Variants in FOXP2 observed in about 807,000 individuals in gnomAD.
FOXP2 encodes forkhead box protein P2.
FOXP2 carries 12 observed loss-of-function variants against 115.8 expected under a neutral mutation model. That is an observed-to-expected ratio of 0.10 (90% CI 0.07 to 0.17). The LOEUF is 0.17. Ranked by LOEUF, FOXP2 falls within the 10% of genes least tolerant of loss-of-function variation. FOXP2 has a pLI of 1.00. For missense variants in FOXP2, 629 were observed against 843.5 expected (o/e 0.75, Z 3.15); for synonymous variants, 328 against 297.7 (o/e 1.10, Z -1.05).
rs1292419252 is a variant in FOXP2 at position 114,393,051 on chromosome 7, T to TA, written c.-10-33450dup. Among the ~76,000 whole-genome samples, 18 of 152,260 alleles carry TA rather than the reference T, an allele frequency of 1.2e-4. No individual in the cohort carries two copies. In the South Asian group the frequency reaches 2.5e-3, roughly 21 times the overall value. ...GGTGAGGAAAGCAGTATGTGTTCAG[T>TA]ATATAATGAACTTAGCATAGTCATT... On this transcript the variant is annotated intron_variant, in intron 2 of 17. Transcript: ENST00000634411.
chr7:114,162,696 T>G (rs1038603381), upstream of FOXP2, among the ~76,000 whole-genome samples: 4 of 152,112 alleles, frequency 2.6e-5, no homozygotes, highest in African/African-American at 7.2e-5. Flanking sequence ...TAGATTTTGA[T>G]TATTAATTTT....
chr7:114,665,359 C>G (rs1471466261), intron 16 of FOXP2: 5 of 152,040 alleles, frequency 3.3e-5, no homozygotes, highest in African/African-American at 1.2e-4. Context: ...TCACATACTT[C>G]TAATTACAAG....
At chr7:114,143,832 G>A (rs770302850) in intron 1 of FOXP2, among the ~76,000 whole-genome samples, 2 of 145,326 alleles carry the variant, frequency 1.4e-5, no homozygotes, top group Non-Finnish European at 3.0e-5. Context: ...TTTTTTTTTT[G>A]CTTTGAAAAC....
chr7:114,223,545 T>A (rs1019164611), intron 1 of FOXP2, among the ~76,000 whole-genome samples: 2 of 146,002 alleles, frequency 1.4e-5, no homozygotes, highest in African/African-American at 4.9e-5. Context: ...TGTGCTTTGT[T>A]GGATAGGTAG....
At chr7:114,360,238 A>C (rs957983440) in intron 2 of FOXP2, among the ~76,000 whole-genome samples, 1 of 152,246 alleles carries the variant, frequency 6.6e-6, no homozygotes, top group African/African-American at 2.4e-5. Context: ...GCCTTCCACC[A>C]TGATTGTGAG....
chr7:114,548,882 G>A (rs557437146), intron 3 of FOXP2, among the ~76,000 whole-genome samples: 28 of 152,142 alleles, frequency 1.8e-4, no homozygotes, highest in African/African-American at 6.3e-4. Context: ...GAAGGGTGGG[G>A]AAAAAATCAT....
At chr7:114,656,265 T>G (rs1038386050) in intron 10 of FOXP2, among the ~76,000 whole-genome samples, 4 of 152,154 alleles carry the variant, frequency 2.6e-5, no homozygotes, top group Admixed American at 1.3e-4. Flanking sequence ...ATGTGCCATT[T>G]TGTTCTGGTT....
intron 1 of FOXP2, among the ~76,000 whole-genome samples, chr7:114,192,242 C>T (rs944561716): frequency 6.6e-6 from 1 of 152,164 alleles, no homozygotes; most frequent in Non-Finnish European, 1.5e-5. Context: ...GCCTTTGCCT[C>T]CCAAAGTGCT....
intron 2 of FOXP2, among the ~76,000 whole-genome samples, chr7:114,469,788 A>G (rs950565251): frequency 1.3e-5 from 2 of 152,158 alleles, no homozygotes; most frequent in East Asian, 3.8e-4. Flanking sequence ...TTTGCAATAT[A>G]AAAGATATTA....
intron 2 of FOXP2, among the ~76,000 whole-genome samples, chr7:114,524,761 C>T (rs968813654): frequency 6.6e-6 from 1 of 152,042 alleles, no homozygotes; most frequent in Non-Finnish European, 1.5e-5. Context: ...TAATGGCTTA[C>T]AGTACATTTC....
At chr7:114,514,799 G>A (rs548539758) in intron 2 of FOXP2, among the ~76,000 whole-genome samples, 2 of 151,594 alleles carry the variant, frequency 1.3e-5, no homozygotes, top group East Asian at 1.9e-4. Context: ...CATGTGCCAT[G>A]CTGGTGTGCT....
chr7:114,514,174 A>G (rs1301926333), intron 2 of FOXP2, among the ~76,000 whole-genome samples: 1 of 152,080 alleles, frequency 6.6e-6, no homozygotes, highest in Non-Finnish European at 1.5e-5. Context: ...TTGTATATAT[A>G]CATGCTGTTT....
intron 1 of FOXP2, among the ~76,000 whole-genome samples, chr7:114,202,747 G>C (rs1419661447): frequency 6.6e-6 from 1 of 152,108 alleles, no homozygotes; most frequent in African/African-American, 2.4e-5. Flanking sequence ...GGGATATATA[G>C]TTATACTCCC....
In FOXP2 at chr7:114,143,850, T is replaced by A. The variant is rs111659683; in HGVS notation, c.-246-19094T>A. 9.6e-3 allele frequency among the ~76,000 whole-genome samples: 1,458 copies of A among 152,144 alleles called. 32 individuals are homozygous for A. The highest frequency in any genetic ancestry group is 0.033 in the African/African-American group (1,386 of 41,502). ...TTTTTTTGCTTTGAAAACCAAACTA[T>A]CTTAGAGTTGGTCCCTGACTTATGC... On this transcript the variant is annotated intron_variant, in intron 1 of 19. Coordinates refer to the FOXP2 transcript ENST00000635638.
intron 1 of FOXP2, among the ~76,000 whole-genome samples, chr7:114,260,312 T>G (rs1415860100): frequency 6.6e-6 from 1 of 152,006 alleles, no homozygotes; most frequent in Non-Finnish European, 1.5e-5. Flanking sequence ...GATGGCCTTG[T>G]GAATTAATTG....
intron 2 of FOXP2, among the ~76,000 whole-genome samples, chr7:114,346,277 C>T (rs965656872): frequency 6.6e-6 from 1 of 151,704 alleles, no homozygotes; most frequent in Non-Finnish European, 1.5e-5. Flanking sequence ...ATCATCATAT[C>T]AAGGAGATAT....
intron 2 of FOXP2, among the ~76,000 whole-genome samples, chr7:114,510,467 T>A (rs147435044): frequency 7.2e-4 from 110 of 152,304 alleles, no homozygotes; most frequent in African/African-American, 2.5e-3. Flanking sequence ...AGTGGAGATG[T>A]AATTCATACT....
chr7:114,274,654 G>T (rs891456376), intron 1 of FOXP2, among the ~76,000 whole-genome samples: 1 of 76,132 alleles, frequency 1.3e-5, no homozygotes, highest in Non-Finnish European at 2.4e-5. Flanking sequence ...TTACTCTGTT[G>T]TCTGGGCTGG....
intron 2 of FOXP2, among the ~76,000 whole-genome samples, chr7:114,331,975 G>T (rs1464979045): frequency 6.6e-6 from 1 of 152,032 alleles, no homozygotes; most frequent in East Asian, 1.9e-4. Context: ...TTGCATATCA[G>T]ATGTGCAACA....
Sources: gnomAD v4.1 joint callset for allele counts (sites outside exome capture counted in the v4.1 genomes callset) on GRCh38, gnomAD v4.1.1 for gene constraint, MANE v1.5 for transcripts, NCBI Gene and HGNC (gene_info 2026-07-23, HGNC 2026-07-21) for gene names.